FRMD4B: variants seen among roughly 807,000 people sequenced by gnomAD.
FRMD4B encodes FERM domain containing 4B.
Under a neutral mutation model 141.5 loss-of-function variants are expected in FRMD4B, and 74 were observed. The observed-to-expected ratio is 0.52, with a 90% confidence interval of 0.43 to 0.63. The LOEUF is 0.63. Ranked by LOEUF, FRMD4B falls within the 30% of genes least tolerant of loss-of-function variation. The pLI, the probability that FRMD4B is intolerant of heterozygous loss-of-function variation, is 0.00. For synonymous variants in FRMD4B, 506 were observed against 467.9 expected, an observed-to-expected ratio of 1.08 and a Z score of -1.05; for missense variants, 1,366 against 1,253.4, an observed-to-expected ratio of 1.09 and a Z score of -1.36.
At chr3:69,207,929 G>C (rs541524495) in intron 11 of FRMD4B, among the ~76,000 whole-genome samples, 3 of 152,190 alleles carry the variant, frequency 2.0e-5, no homozygotes, top group East Asian at 3.9e-4. Context: ...AGCTACAGTG[G>C]TGTGCAGTGG....
intron 3 of FRMD4B, among the ~76,000 whole-genome samples, chr3:69,304,194 G>C (rs1356235734): frequency 8.1e-6 from 1 of 123,092 alleles, no homozygotes; most frequent in Non-Finnish European, 1.8e-5. Flanking sequence ...AAAAAAAAAA[G>C]GCCGGGCACA....
intron 1 of FRMD4B, among the ~76,000 whole-genome samples, chr3:69,502,681 TG>T (rs1265210952): frequency 1.3e-5 from 2 of 151,598 alleles, no homozygotes; most frequent in East Asian, 3.9e-4. Context: ...AATTGACAAA[TG>T]GGGTCTAATT....
chr3:69,519,892 G>C (rs1326789225), intron 1 of FRMD4B, among the ~76,000 whole-genome samples: 2 of 150,882 alleles, frequency 1.3e-5, no homozygotes, highest in African/African-American at 4.9e-5. Flanking sequence ...TACGATGTTT[G>C]GTTTTCCATT....
intron 2 of FRMD4B, among the ~76,000 whole-genome samples, chr3:69,399,983 C>T (rs758933074): frequency 5.3e-5 from 8 of 152,050 alleles, no homozygotes; most frequent in Non-Finnish European, 1.2e-4. Flanking sequence ...TTTGCCCCAA[C>T]CCAATACGAT....
At chr3:69,265,303 T>A (rs1575672284) in intron 5 of FRMD4B, among the ~76,000 whole-genome samples, 6 of 113,940 alleles carry the variant, frequency 5.3e-5, no homozygotes, top group Admixed American at 2.0e-4. Context: ...TATATATATA[T>A]ATATATATAT....
rs373358644 is a variant in FRMD4B at position 69,386,012 on chromosome 3, C to T, written c.-23G>A. 1.6e-4 allele frequency: 246 copies of T among 1,546,050 alleles called. 1 individual carries two copies. The African/African-American group carries it at 3.0e-3, about 19-fold the overall frequency. On this transcript the variant is annotated 5_prime_UTR_variant, in exon 1 of 23. Coordinates refer to ENST00000398540, the MANE Select transcript of FRMD4B (RefSeq NM_015123.3). ...CATGCCTCCTCCTTCGCTCTGAACC[C>T]GGGCGTCCCGGCTCTCGTACGTGCA...
At chr3:69,450,295 G>A (rs922166418) in intron 1 of FRMD4B, among the ~76,000 whole-genome samples, 1 of 152,200 alleles carries the variant, frequency 6.6e-6, no homozygotes, top group Non-Finnish European at 1.5e-5. Context: ...GGCCCAGGCA[G>A]GAGGATCACT....
chr3:69,467,748 C>A (rs1486762839), intron 1 of FRMD4B, among the ~76,000 whole-genome samples: 2 of 152,146 alleles, frequency 1.3e-5, no homozygotes, highest in African/African-American at 4.8e-5. Flanking sequence ...CTAGTCTGTC[C>A]AAGCACCACA....
chr3:69,263,540 G>A (rs2093541780), intron 5 of FRMD4B, among the ~76,000 whole-genome samples: 2 of 151,116 alleles, frequency 1.3e-5, no homozygotes, highest in Admixed American at 1.3e-4. Context: ...CCAAATAGCT[G>A]GGACTAAAGG....
intron 1 of FRMD4B, among the ~76,000 whole-genome samples, chr3:69,479,796 G>A (rs529835822): frequency 6.6e-6 from 1 of 152,338 alleles, no homozygotes; most frequent in South Asian, 2.1e-4. Flanking sequence ...ATATCTTGCA[G>A]ATTGTTTTCC....
chr3:69,223,297 C>T lies in FRMD4B; in HGVS notation c.665+1310G>A, dbSNP rs527456994. On this transcript the variant is annotated intron_variant, in intron 8 of 22. Coordinates refer to ENST00000398540, the MANE Select transcript of FRMD4B (RefSeq NM_015123.3). The stretch of plus-strand genomic sequence containing the variant: ...TTGGGAGGCCGAGGCAGGCGGATCA[C>T]GAGGTCAGGAGTTCGAGACCAGCCT... Among the ~76,000 whole-genome samples, 30 of 152,066 alleles carry T rather than the reference C, an allele frequency of 2.0e-4. No individual in the cohort carries two copies. In the South Asian group the frequency reaches 5.8e-3, roughly 30 times the overall value.
chr3:69,273,932 AAAG>A (rs1349404325), intron 5 of FRMD4B, among the ~76,000 whole-genome samples: 2 of 152,098 alleles, frequency 1.3e-5, no homozygotes, highest in Non-Finnish European at 2.9e-5. Context: ...AAAAAAAAAA[AAAG>A]AATTTCTTAA....
chr3:69,476,197 C>T (rs1388823602), intron 1 of FRMD4B, among the ~76,000 whole-genome samples: 2 of 151,540 alleles, frequency 1.3e-5, no homozygotes, highest in Non-Finnish European at 2.9e-5. Context: ...TGCAGAAGCT[C>T]TTTAGTTTAA....
chr3:69,281,643 G>A (rs1350669752), intron 5 of FRMD4B, among the ~76,000 whole-genome samples: 1 of 151,876 alleles, frequency 6.6e-6, no homozygotes, highest in Non-Finnish European at 1.5e-5. Flanking sequence ...GACCAACATG[G>A]TGAAATCCCG....
At chr3:69,464,408 A>G (rs1248770554) in intron 1 of FRMD4B, among the ~76,000 whole-genome samples, 1 of 152,238 alleles carries the variant, frequency 6.6e-6, no homozygotes, top group Non-Finnish European at 1.5e-5. Context: ...GACTGTCTGC[A>G]GGCCAGAAAG....
chr3:69,536,091 C>T (rs2107169044), intron 1 of FRMD4B: 1 of 458,860 alleles, frequency 2.2e-6, no homozygotes, highest in Non-Finnish European at 4.2e-6. Flanking sequence ...GTGTCCTTGC[C>T]CACACTGCCT....
chr3:69,260,436 T>C (rs1575666739), intron 5 of FRMD4B, among the ~76,000 whole-genome samples: 1 of 152,154 alleles, frequency 6.6e-6, no homozygotes, highest in South Asian at 2.1e-4. Flanking sequence ...CTGCGGAGGG[T>C]GCACCGGGTC....
intron 1 of FRMD4B, among the ~76,000 whole-genome samples, chr3:69,339,515 C>T (rs190848469): frequency 2.6e-5 from 4 of 152,278 alleles, no homozygotes; most frequent in Admixed American, 6.5e-5. Context: ...CAGCACAGTG[C>T]GTGGCACTCA....
At chr3:69,506,706 A>AT (rs1553648632) in intron 1 of FRMD4B, among the ~76,000 whole-genome samples, 1 of 151,336 alleles carries the variant, frequency 6.6e-6, no homozygotes, top group Non-Finnish European at 1.5e-5. Context: ...GCTACAGCTA[A>AT]TTTTTTTGGG....
Sources: allele counts gnomAD v4.1 joint callset (sites outside exome capture counted in the v4.1 genomes callset), GRCh38; gene constraint gnomAD v4.1.1; transcripts MANE v1.5; gene names NCBI Gene and HGNC (gene_info 2026-07-23, HGNC 2026-07-21).